TMEM51: variants seen among roughly 807,000 people sequenced by gnomAD.
TMEM51 encodes chromosome 1 open reading frame 72.
Under a neutral mutation model 13.6 loss-of-function variants are expected in TMEM51, and 8 were observed. The ratio of observed to expected loss-of-function variants is 0.59; its 90% CI spans 0.35 to 1.07. The LOEUF (loss-of-function observed/expected upper bound fraction) is 1.07, where lower values mean the gene tolerates loss of function less well. TMEM51 is among the 50% of genes least tolerant of loss of function. TMEM51 has a pLI of 0.02. For missense variants in TMEM51, 279 were observed against 330.7 expected (o/e 0.84, Z 1.21); for synonymous variants, 147 against 144.4 (o/e 1.02, Z -0.13).
At chr1:15,216,555 T>C (rs571031144) in intron 3 of TMEM51, among the ~76,000 whole-genome samples, 39 of 152,244 alleles carry the variant, frequency 2.6e-4, no homozygotes, top group African/African-American at 9.1e-4. Flanking sequence ...GATAGAAACT[T>C]TCTTAAGAGT....
intron 1 of TMEM51, among the ~76,000 whole-genome samples, chr1:15,173,670 T>C (rs1486439056): frequency 3.0e-5 from 4 of 132,522 alleles, no homozygotes; most frequent in African/African-American, 5.1e-5. Context: ...TTTCACAAAC[T>C]CCATCTAAAA....
chr1:15,181,568 G>A (rs192889527), intron 1 of TMEM51, among the ~76,000 whole-genome samples: 596 of 152,168 alleles, frequency 3.9e-3, no homozygotes, highest in Non-Finnish European at 6.4e-3. Context: ...CAAGAGATTC[G>A]GGCTGATGGT....
chr1:15,196,905 A>C (rs935956092), intron 1 of TMEM51, among the ~76,000 whole-genome samples: 1 of 152,104 alleles, frequency 6.6e-6, no homozygotes, highest in African/African-American at 2.4e-5. Context: ...GCATTCTAGG[A>C]CTCTTTCAAA....
At chr1:15,200,341 G>A (rs1037877207) in intron 1 of TMEM51, among the ~76,000 whole-genome samples, 4 of 142,004 alleles carry the variant, frequency 2.8e-5, no homozygotes, top group Admixed American at 7.6e-5. Flanking sequence ...CTGGGATATC[G>A]AGACTGCAGT....
chr1:15,158,651 A>G (rs753283099), intron 1 of TMEM51, among the ~76,000 whole-genome samples: 37 of 152,136 alleles, frequency 2.4e-4, no homozygotes, highest in Admixed American at 2.4e-3. Context: ...TTGTTTCCTA[A>G]TCGGTGATTC....
intron 1 of TMEM51, among the ~76,000 whole-genome samples, chr1:15,172,993 C>T (rs567009641): frequency 7.9e-5 from 12 of 152,206 alleles, no homozygotes; most frequent in African/African-American, 2.6e-4. Flanking sequence ...ACGTATCCCC[C>T]GAGGATATGT....
chr1:15,158,233 C>T (rs1044636931), intron 1 of TMEM51, among the ~76,000 whole-genome samples: 1 of 152,180 alleles, frequency 6.6e-6, no homozygotes, highest in Non-Finnish European at 1.5e-5. Flanking sequence ...TGGCCAAAAC[C>T]CTGTGACGCT....
chr1:15,216,284 G>A (rs1201220157), intron 3 of TMEM51, among the ~76,000 whole-genome samples: 2 of 151,992 alleles, frequency 1.3e-5, no homozygotes, highest in Non-Finnish European at 2.9e-5. Context: ...GATACATTGG[G>A]GAAGATATGA....
At chr1:15,195,174 C>T (rs1473909791) in intron 1 of TMEM51, among the ~76,000 whole-genome samples, 2 of 152,116 alleles carry the variant, frequency 1.3e-5, no homozygotes, top group African/African-American at 4.8e-5. Context: ...CTCAAGCAAT[C>T]TGCCTACCTC....
At chr1:15,175,210 G>T (rs6663472) in intron 1 of TMEM51, among the ~76,000 whole-genome samples, 88,540 of 151,800 alleles carry the variant, frequency 0.58, 26,830 homozygotes, top group East Asian at 0.92. Context: ...GACCAGCCTG[G>T]CCAACATGGC....
chr1:15,156,837 CCTTTA>C (rs1188947812), intron 1 of TMEM51, among the ~76,000 whole-genome samples: 1 of 152,160 alleles, frequency 6.6e-6, no homozygotes, highest in African/African-American at 2.4e-5. Flanking sequence ...CTTCTAGGGC[CCTTTA>C]CTTTAACCCA....
chr1:15,191,745 A>T (rs78092008), intron 1 of TMEM51: 168,187 of 285,972 alleles, frequency 0.59, 44,552 homozygotes, highest in East Asian at 0.82. Flanking sequence ...CTGGGGAGAA[A>T]TTTTTTTTTT....
chr1:15,154,934 G>T (rs1642537499), intron 1 of TMEM51, among the ~76,000 whole-genome samples: 1 of 152,178 alleles, frequency 6.6e-6, no homozygotes, highest in Non-Finnish European at 1.5e-5. Context: ...GAACCGGGAG[G>T]TAAGTCAGCG....
chr1:15,174,957 A>G (rs1157332908), intron 1 of TMEM51, among the ~76,000 whole-genome samples: 1 of 152,162 alleles, frequency 6.6e-6, no homozygotes, highest in Non-Finnish European at 1.5e-5. Flanking sequence ...AGAGCTTCAT[A>G]TGAATTTTGG....
intron 1 of TMEM51, chr1:15,171,266 T>A (rs1643263099): frequency 1.5e-6 from 2 of 1,303,924 alleles, no homozygotes; most frequent in African/African-American, 1.5e-5. Context: ...CAGGTCAGAG[T>A]GGATGACGGC....
At chr1:15,212,416 G>T (rs891052803) in intron 2 of TMEM51, among the ~76,000 whole-genome samples, 4 of 152,200 alleles carry the variant, frequency 2.6e-5, no homozygotes, top group African/African-American at 9.6e-5. Context: ...AATGGAGAAC[G>T]AATGAGGGCA....
At chr1:15,211,423 C>G (rs1644336476) in intron 2 of TMEM51, among the ~76,000 whole-genome samples, 1 of 152,136 alleles carries the variant, frequency 6.6e-6, no homozygotes, top group Non-Finnish European at 1.5e-5. Context: ...AATACAAGCT[C>G]TAATTAACAT....
At chr1:15,217,743 G>T (rs4297286) in intron 3 of TMEM51, among the ~76,000 whole-genome samples, 123,511 of 152,016 alleles carry the variant, frequency 0.81, 51,140 homozygotes, top group East Asian at 0.97. Context: ...CTCTGACTTT[G>T]GGTCTATCTA....
Position 15,183,560 on chromosome 1 carries a change from A to G in TMEM51, c.-266-26930A>G, listed in dbSNP as rs539799050. Among the ~76,000 whole-genome samples the G allele has an allele frequency of 1.6e-4, 25 of 152,374 alleles. No individual in the cohort carries two copies. The South Asian group carries it at 5.2e-3, about 32-fold the overall frequency. The stretch of plus-strand genomic sequence containing the variant: ...TAGATTGCATGAAGATAATTCTTGT[A>G]AAGAAAACTTACTACCACATAGTAA... On this transcript the variant is annotated intron_variant, in intron 1 of 3. Transcript: ENST00000376008.
Sources: allele counts gnomAD v4.1 joint callset (sites outside exome capture counted in the v4.1 genomes callset), GRCh38; gene constraint gnomAD v4.1.1; transcripts MANE v1.5; gene names NCBI Gene and HGNC (gene_info 2026-07-23, HGNC 2026-07-21).